MYO1F: variants seen among roughly 807,000 people sequenced by gnomAD.
The protein encoded by MYO1F is unconventional myosin-If.
Under a neutral mutation model 146.6 loss-of-function variants are expected in MYO1F, and 60 were observed. That is an observed-to-expected ratio of 0.41 (90% CI 0.33 to 0.51). The LOEUF is 0.51. Among genes scored for constraint, MYO1F ranks in the 20% least tolerant of loss-of-function variants. The pLI, the probability that MYO1F is intolerant of heterozygous loss-of-function variation, is 0.25. For missense variants in MYO1F, 1,274 were observed against 1,534.3 expected, an observed-to-expected ratio of 0.83 and a Z score of 2.83; for synonymous variants, 602 against 602.1, an observed-to-expected ratio of 1.00 and a Z score of 0.00.
In MYO1F at chr19:8,554,777, G is replaced by A. The variant is rs61021979; in HGVS notation, c.142-34C>T. ...TGGTTAAGGGTCGTGTGGTGTCCTG[G>A]TAGGTTTTGTCCTCCCTGTCCCCTC... On this transcript the variant is annotated intron_variant, in intron 2 of 27. Coordinates refer to ENST00000644032, the MANE Select transcript of MYO1F (RefSeq NM_012335.4). 628 of 1,600,456 alleles carry A rather than the reference G, an allele frequency of 3.9e-4. 3 individuals carry two copies. The African/African-American group carries it at 5.7e-3, about 15-fold the overall frequency.
intron 1 of MYO1F, among the ~76,000 whole-genome samples, chr19:8,558,654 G>C (rs1332064818): frequency 6.6e-6 from 1 of 152,092 alleles, no homozygotes; most frequent in Non-Finnish European, 1.5e-5. Context: ...GGAGTAGTCT[G>C]ACAGATAGGA....
chr19:8,522,423 G>T lies in MYO1F; in HGVS notation c.3174C>A (p.Asp1058Glu). 6.2e-7 allele frequency: 1 copy of T among 1,614,148 alleles called. No homozygotes were observed. Among genetic ancestry groups the T allele is most frequent in the Non-Finnish European group, 8.5e-7 (1 of 1,180,026 alleles). Residue 1058 changes from aspartate to glutamate, a missense_variant, in exon 27 of 28, where the codon GAC becomes GAA. Physicochemically the swap from Asp to Glu is conservative, Grantham distance 45. Around this residue, in one of 2 missense-constraint regions of MYO1F, gnomAD observed 374 missense variants for 379.2 expected, o/e 0.99. Transcript: ENST00000644032. ...CCTCGTTCACGTTGAAGCTCAGCTC[G>T]TCCACATCTTGGCCCACGTACTGGT... Reference protein sequence around the residue: ...ALYQYVGQDVDELSFNVNEVI... With the variant: ...ALYQYVGQDVEELSFNVNEVI...
At chr19:8,549,921 C>T in intron 10 of MYO1F, 1 of 594,756 alleles carries the variant, frequency 1.7e-6, no homozygotes, top group Non-Finnish European at 3.0e-6. Context: ...CAACCTCAGC[C>T]CTCTGAGTAG....
intron 1 of MYO1F, among the ~76,000 whole-genome samples, chr19:8,560,334 AAGT>A (rs1398503572): frequency 6.6e-6 from 1 of 151,240 alleles, no homozygotes; most frequent in Admixed American, 6.6e-5. Context: ...AATACAAAAA[AAGT>A]AGCCGGGTGT....
At chr19:8,526,402 A>G in intron 24 of MYO1F, 51 bp downstream of exon 24, 4 of 1,544,154 alleles carry the variant, frequency 2.6e-6, no homozygotes, top group Non-Finnish European at 3.5e-6. Context: ...GTCCACTCTT[A>G]ACCAGCCTCG....
Position 8,551,854 on chromosome 19 carries a change from C to A in MYO1F, c.657G>T (p.Gln219His). The A allele has an allele frequency of 6.2e-7, 1 of 1,614,156 alleles. No individual in the cohort carries two copies. The highest frequency in any genetic ancestry group is 1.1e-5 in the South Asian group (1 of 91,078). ...IYYQLLEGASQEQRQNLGLMT... is the reference protein window; with the variant it reads ...IYYQLLEGASHEQRQNLGLMT... ...TGAGGCCCAGGTTCTGCCTTTGCTCCTGGGAGGCCCCTTCCAGCAGCTGGA... is the reference window on the plus strand; with the variant it reads ...TGAGGCCCAGGTTCTGCCTTTGCTCATGGGAGGCCCCTTCCAGCAGCTGGA... The change falls in exon 8 of 28, where the codon CAG becomes CAT. Residue 219 changes from glutamine to histidine, a missense_variant. Transcript: ENST00000644032.
intron 17 of MYO1F, 48 bp from the exon 18 acceptor site, chr19:8,536,645 T>G: frequency 3.7e-6 from 1 of 272,688 alleles, no homozygotes; most frequent in Non-Finnish European, 7.2e-6. Context: ...GAGTCACCAG[T>G]CCTGGGGGTG....
At chr19:8,562,156 A>ATTTTTTTTTTTTTTTTTT (rs1490847496) in intron 1 of MYO1F, among the ~76,000 whole-genome samples, 8 of 142,812 alleles carry the variant, frequency 5.6e-5, no homozygotes, top group African/African-American at 1.9e-4. Context: ...TGCCCGGCTA[A>ATTTTTTTTTTTTTTTTTT]TTTTTTCTTT....
At position 8,550,212 on chromosome 19, in the gene MYO1F, C is replaced by T. The variant is rs1400514146; in HGVS notation, c.1049G>A (p.Arg350His). 3.7e-6 allele frequency: 6 copies of T among 1,614,152 alleles called. No individual in the cohort carries two copies. The highest frequency in any genetic ancestry group is 1.1e-5 in the South Asian group (1 of 91,090). ...TLNVEQAAYT[R>H]DALAKGLYAR... is the part of the protein sequence containing the mutation. ...ATAGAGCCCCTTGGCCAGGGCATCACGGGTGTAGGCTGCCTGCTCCACGTT... is the reference window on the plus strand; with the variant it reads ...ATAGAGCCCCTTGGCCAGGGCATCATGGGTGTAGGCTGCCTGCTCCACGTT... The change falls in exon 10 of 28, where the codon CGT (arginine) becomes CAT (histidine). Residue 350 changes from arginine (R) to histidine (H), a missense_variant. Physicochemically the swap from Arg to His is conservative, Grantham distance 29. Transcript: ENST00000644032.
At chr19:8,554,115 G>A (rs1432205701) in intron 4 of MYO1F, among the ~76,000 whole-genome samples, 10 of 151,732 alleles carry the variant, frequency 6.6e-5, no homozygotes, top group African/African-American at 4.8e-5. Flanking sequence ...GTGCACCACC[G>A]TGTCCGGCTA....
intron 14 of MYO1F, among the ~76,000 whole-genome samples, chr19:8,542,706 T>G (rs1457699824): frequency 6.6e-6 from 1 of 151,890 alleles, no homozygotes; most frequent in African/African-American, 2.4e-5. Flanking sequence ...GATCAAGTGA[T>G]TCTCCTGTCT....
chr19:8,574,595 CTCTTTCTTTCTT>C (rs58145523), intron 1 of MYO1F, among the ~76,000 whole-genome samples: 89 of 105,826 alleles, frequency 8.4e-4, no homozygotes, highest in African/African-American at 1.5e-3. Flanking sequence ...CTCTCTCTCT[CTCTTTCTTTCTT>C]TCTTTCTTTC....
At chr19:8,553,923 C>CTCTCTT (rs1973732842) in intron 4 of MYO1F, among the ~76,000 whole-genome samples, 1 of 149,630 alleles carries the variant, frequency 6.7e-6, no homozygotes, top group African/African-American at 2.5e-5. Context: ...CTCTCTCTCT[C>CTCTCTT]GCTCTCTTTC....
intron 1 of MYO1F, among the ~76,000 whole-genome samples, chr19:8,561,359 TCCC>T (rs1974094882): frequency 1.4e-5 from 1 of 69,500 alleles, no homozygotes; most frequent in Non-Finnish European, 3.1e-5. Flanking sequence ...ATTCCCTCCC[TCCC>T]TCCCTCCCTC....
chr19:8,521,465 C>T lies in MYO1F; in HGVS notation c.*63G>A, dbSNP rs1014181318. 11 of 1,540,324 alleles carry T rather than the reference C, an allele frequency of 7.1e-6. No homozygotes were observed. Among genetic ancestry groups the T allele is most frequent in the African/African-American group, 1.4e-5 (1 of 73,422 alleles). On this transcript the variant is annotated 3_prime_UTR_variant, in exon 28 of 28. Coordinates refer to ENST00000644032, the MANE Select transcript of MYO1F (RefSeq NM_012335.4). ...CGAGGCTCTCATTGGCAGGGCCTGGCTCCCCACCAGGCCGGCAGGCAGATA... is the reference window on the plus strand; with the variant it reads ...CGAGGCTCTCATTGGCAGGGCCTGGTTCCCCACCAGGCCGGCAGGCAGATA...
intron 12 of MYO1F, 100 bp downstream of exon 12, chr19:8,547,936 G>T: frequency 8.7e-7 from 1 of 1,152,534 alleles, no homozygotes; most frequent in Non-Finnish European, 1.3e-6. Context: ...GAACGCGGTG[G>T]GGAGGGCTGG....
intron 13 of MYO1F, chr19:8,545,430 A>T (rs1310455961): frequency 1.9e-5 from 11 of 575,834 alleles, no homozygotes; most frequent in East Asian, 1.2e-4. Flanking sequence ...TTCCCGGGGA[A>T]ATGTTTATTG....
At chr19:8,526,278 G>T (rs948962309) in intron 24 of MYO1F, among the ~76,000 whole-genome samples, 175 bp downstream of exon 24, 6 of 152,186 alleles carry the variant, frequency 3.9e-5, no homozygotes, top group Non-Finnish European at 7.3e-5. Flanking sequence ...GGTGAGCCAA[G>T]ATCGTGCCAC....
rs2042252398 is a variant in MYO1F at position 8,577,143 on chromosome 19, G to T, written c.3+164C>A. The T allele has an allele frequency of 2.5e-6, 2 of 804,996 alleles. No homozygotes were observed. The highest frequency in any genetic ancestry group is 4.1e-5 in the Admixed American group (2 of 48,816). 49.9% of individuals were successfully genotyped at this position (804,996 alleles called of 1,614,324 possible). On this transcript the variant is annotated intron_variant, in intron 1 of 27. Transcript: ENST00000644032. The surrounding 1 kb of genome is among the most constrained non-coding windows in gnomAD (Gnocchi z 4.3). ...AGATGGGAGCTTGCTCCCTGGTAAG[G>T]GATGCTGGAGGCACCTGAGCTGCAC...
Sources: allele counts gnomAD v4.1 joint callset (sites outside exome capture counted in the v4.1 genomes callset), GRCh38; gene constraint gnomAD v4.1.1; regional missense constraint gnomAD v4.1.1; non-coding constraint Gnocchi (gnomAD v3.1); transcripts MANE v1.5; gene names NCBI Gene and HGNC (gene_info 2026-07-23, HGNC 2026-07-21).